Variants in CNTNAP2 observed in about 807,000 individuals in gnomAD.
The protein encoded by CNTNAP2 is contactin-associated protein-like 2.
CNTNAP2 carries 98 observed loss-of-function variants against 155.2 expected under a neutral mutation model. That is an observed-to-expected ratio of 0.63 (90% CI 0.54 to 0.75). CNTNAP2 has a LOEUF of 0.75. Among genes scored for constraint, CNTNAP2 ranks in the 30% least tolerant of loss-of-function variants. The pLI, the probability that CNTNAP2 is intolerant of heterozygous loss-of-function variation, is 0.00. For synonymous variants in CNTNAP2, 651 were observed against 631.2 expected (o/e 1.03, Z -0.47); for missense variants, 1,727 against 1,688.1 (o/e 1.02, Z -0.40).
At chr7:147,117,895 C>T (rs1423845159) in intron 5 of CNTNAP2, among the ~76,000 whole-genome samples, 2 of 151,962 alleles carry the variant, frequency 1.3e-5, no homozygotes, top group African/African-American at 2.4e-5. Context: ...ACACAAAATT[C>T]GCCATCACTT....
At chr7:148,255,797 A>G (rs1796444533) in intron 20 of CNTNAP2, among the ~76,000 whole-genome samples, 2 of 152,244 alleles carry the variant, frequency 1.3e-5, no homozygotes, top group South Asian at 4.1e-4. Context: ...CAGAAATTAC[A>G]CAACAAAGAA....
intron 1 of CNTNAP2, among the ~76,000 whole-genome samples, chr7:146,216,598 C>G (rs955515032): frequency 2.6e-5 from 4 of 152,188 alleles, no homozygotes; most frequent in African/African-American, 9.7e-5. Flanking sequence ...CCAAGCCAGG[C>G]TCTAACCTGG....
chr7:148,279,651 TC>T (rs1385599943), intron 21 of CNTNAP2, among the ~76,000 whole-genome samples: 10 of 152,128 alleles, frequency 6.6e-5, no homozygotes, highest in Non-Finnish European at 5.9e-5. Context: ...TCCCATCTCC[TC>T]CTCAGGCAGA....
chr7:146,702,165 T>A (rs1008071717), intron 1 of CNTNAP2, among the ~76,000 whole-genome samples: 3 of 152,166 alleles, frequency 2.0e-5, no homozygotes, highest in Non-Finnish European at 2.9e-5. Flanking sequence ...TTGGTATCCA[T>A]TTAATCCTAC....
At chr7:147,216,802 C>T (rs952595843) in intron 8 of CNTNAP2, among the ~76,000 whole-genome samples, 12 of 151,994 alleles carry the variant, frequency 7.9e-5, no homozygotes, top group African/African-American at 2.9e-4. Flanking sequence ...TTGAGTCATC[C>T]TTTCCTTGAA....
At chr7:147,496,219 C>T (rs1798705664) in intron 11 of CNTNAP2, among the ~76,000 whole-genome samples, 1 of 152,068 alleles carries the variant, frequency 6.6e-6, no homozygotes, top group South Asian at 2.1e-4. Flanking sequence ...ATCCTGAAAC[C>T]ATCCCCTACC....
At chr7:147,519,712 T>C (rs1799198843) in intron 11 of CNTNAP2, among the ~76,000 whole-genome samples, 1 of 151,932 alleles carries the variant, frequency 6.6e-6, no homozygotes, top group Admixed American at 6.6e-5. Context: ...AACAAAAATA[T>C]AAAAATTAGC....
At chr7:146,247,201 G>C (rs1420049449) in intron 1 of CNTNAP2, among the ~76,000 whole-genome samples, 1 of 152,192 alleles carries the variant, frequency 6.6e-6, no homozygotes, top group Non-Finnish European at 1.5e-5. Flanking sequence ...TTTGATGAAA[G>C]AGCCTAAACG....
chr7:147,479,975 G>A (rs1170513322), intron 10 of CNTNAP2, among the ~76,000 whole-genome samples: 1 of 151,926 alleles, frequency 6.6e-6, no homozygotes, highest in Non-Finnish European at 1.5e-5. Flanking sequence ...AAAATAAATA[G>A]AAGACACTCC....
intron 1 of CNTNAP2, among the ~76,000 whole-genome samples, chr7:146,761,520 C>T (rs1338824026): frequency 1.3e-5 from 2 of 152,008 alleles, no homozygotes; most frequent in East Asian, 1.9e-4. Flanking sequence ...GTTGTTGTTG[C>T]TGTTTTTAAG....
chr7:148,057,818 C>A (rs897232049), intron 15 of CNTNAP2, among the ~76,000 whole-genome samples: 2 of 152,054 alleles, frequency 1.3e-5, no homozygotes, highest in Non-Finnish European at 2.9e-5. Flanking sequence ...TGCTGCCACT[C>A]CTTGACTGTG....
At chr7:146,199,451 A>C (rs1206685712) in intron 1 of CNTNAP2, among the ~76,000 whole-genome samples, 2 of 152,186 alleles carry the variant, frequency 1.3e-5, no homozygotes, top group Admixed American at 6.5e-5. Flanking sequence ...GGAAGGAATA[A>C]GAAGGAAAGA....
intron 10 of CNTNAP2, among the ~76,000 whole-genome samples, chr7:147,481,719 T>C (rs1323592916): frequency 6.6e-6 from 1 of 152,174 alleles, no homozygotes; most frequent in Non-Finnish European, 1.5e-5. Flanking sequence ...CATCACTTCT[T>C]CTGGAGTCAC....
intron 3 of CNTNAP2, among the ~76,000 whole-genome samples, chr7:146,972,526 G>T (rs1797823412): frequency 1.3e-5 from 2 of 152,076 alleles, no homozygotes; most frequent in Admixed American, 6.6e-5. Context: ...CTGCATCAAT[G>T]ACCATATAAA....
chr7:146,750,198 A>G (rs1196488926), intron 1 of CNTNAP2, among the ~76,000 whole-genome samples: 3 of 152,120 alleles, frequency 2.0e-5, no homozygotes, highest in African/African-American at 4.8e-5. Context: ...TGATGTTCCT[A>G]TGCTGATATT....
intron 20 of CNTNAP2, among the ~76,000 whole-genome samples, chr7:148,235,309 A>T (rs568223746): frequency 9.2e-5 from 14 of 152,350 alleles, no homozygotes; most frequent in African/African-American, 3.4e-4. Context: ...CATTAGCAAC[A>T]TGTAGTGTGC....
At chr7:146,755,064 A>T (rs892376825) in intron 1 of CNTNAP2, among the ~76,000 whole-genome samples, 4 of 151,926 alleles carry the variant, frequency 2.6e-5, no homozygotes, top group African/African-American at 9.7e-5. Flanking sequence ...GTGGTATTTT[A>T]GGGTGATACT....
Position 148,291,104 on chromosome 7 carries a change from G to A in CNTNAP2, c.3475+23978G>A, listed in dbSNP as rs552765970. 1.5e-3 allele frequency among the ~76,000 whole-genome samples: 230 copies of A among 152,136 alleles called. 2 individuals carry two copies. The highest frequency in any genetic ancestry group is 5.3e-3 in the African/African-American group (221 of 41,528). ...TGATGGTGCTGAGTCCTACAGAGAA[G>A]AGGATTTGAGACTTTCCAGTTTTTA... is the stretch of plus-strand genomic sequence containing the variant. On this transcript the variant is annotated intron_variant, in intron 21 of 23. Coordinates refer to ENST00000361727, the MANE Select transcript of CNTNAP2 (RefSeq NM_014141.6).
chr7:147,360,613 C>T (rs1181739296), intron 9 of CNTNAP2, among the ~76,000 whole-genome samples: 1 of 152,010 alleles, frequency 6.6e-6, no homozygotes. Flanking sequence ...GTACCACATT[C>T]CTTTCTACCA....
Sources: gnomAD v4.1 joint callset for allele counts (sites outside exome capture counted in the v4.1 genomes callset) on GRCh38, gnomAD v4.1.1 for gene constraint, MANE v1.5 for transcripts, NCBI Gene and HGNC (gene_info 2026-07-23, HGNC 2026-07-21) for gene names.